Variants in SETD2 observed in about 807,000 individuals in gnomAD.
The protein encoded by SETD2 is histone-lysine N-methyltransferase SETD2.
In SETD2, 31 loss-of-function variants were observed where a neutral mutation model predicts 242.1. That is an observed-to-expected ratio of 0.13 (90% CI 0.10 to 0.17). The LOEUF (loss-of-function observed/expected upper bound fraction) is 0.17. Ranked by LOEUF, SETD2 falls within the 10% of genes least tolerant of loss-of-function variation. The pLI is 1.00. For synonymous variants in SETD2, 1,006 were observed against 1,066.5 expected, an observed-to-expected ratio of 0.94 and a Z score of 1.11; for missense variants, 2,481 against 3,046.3, an observed-to-expected ratio of 0.81 and a Z score of 4.37.
chr3:47,117,525 A>G (rs1003493503), intron 3 of SETD2, among the ~76,000 whole-genome samples: 1 of 152,218 alleles, frequency 6.6e-6, no homozygotes, highest in Non-Finnish European at 1.5e-5. Context: ...GACCTCATGG[A>G]TGAGCAAATA....
intron 8 of SETD2, among the ~76,000 whole-genome samples, chr3:47,100,577 A>G (rs1036925975): frequency 2.0e-5 from 3 of 152,114 alleles, no homozygotes; most frequent in Non-Finnish European, 4.4e-5. Context: ...TTAAGTAGTC[A>G]TTAGAACACA....
intron 4 of SETD2, among the ~76,000 whole-genome samples, chr3:47,115,371 G>T (rs1276862995): frequency 2.0e-5 from 3 of 152,056 alleles, no homozygotes; most frequent in African/African-American, 4.8e-5. Context: ...AAACCCAGAA[G>T]AATGACTAGG....
chr3:47,039,629 G>C (rs1019878854), intron 17 of SETD2, among the ~76,000 whole-genome samples: 8 of 150,378 alleles, frequency 5.3e-5, no homozygotes, highest in African/African-American at 2.0e-4. Flanking sequence ...ACTTTGGGAG[G>C]CCGAGGCAGG....
rs777373516 is a variant in SETD2, at chr3:47,101,478, G to A, written c.4995C>T (p.Asp1665=). ...LVPSGSELTF[D]YQFQRYGKEA... ...CTTACCCATATCTCTGGAACTGATA[G>A]TCAAACGTTAACTCTGAGCCTGAAG... is the stretch of plus-strand genomic sequence containing the variant. The change falls in exon 8 of 21, where the codon GAC becomes GAT. Residue 1665 remains aspartate, a synonymous_variant. Coordinates refer to ENST00000409792, the MANE Select transcript of SETD2 (RefSeq NM_014159.7). 9.9e-6 allele frequency: 16 copies of A among 1,612,550 alleles called. No individual in the cohort carries two copies. The highest frequency in any genetic ancestry group is 1.7e-5 in the Admixed American group (1 of 60,012).
At chr3:47,147,346 A>C (rs1167484189) in intron 1 of SETD2, among the ~76,000 whole-genome samples, 2 of 130,678 alleles carry the variant, frequency 1.5e-5, no homozygotes, top group Non-Finnish European at 1.6e-5. Context: ...TTTTTGAGAC[A>C]TAGTCTCACC....
intron 9 of SETD2, among the ~76,000 whole-genome samples, chr3:47,090,524 G>C (rs1188619305): frequency 6.6e-6 from 1 of 151,966 alleles, no homozygotes; most frequent in Non-Finnish European, 1.5e-5. Flanking sequence ...CTGACTAGCT[G>C]GGACTACAGG....
intron 1 of SETD2, among the ~76,000 whole-genome samples, chr3:47,128,653 T>C (rs1303261124): frequency 6.6e-6 from 1 of 152,122 alleles, no homozygotes; most frequent in Non-Finnish European, 1.5e-5. Context: ...AAATTAACCA[T>C]TTTTTTCTAC....
chr3:47,121,045 C>T lies in SETD2; in HGVS notation c.3591G>A (p.Arg1197=), dbSNP rs1295633514. Residue 1197 remains arginine, a synonymous_variant, in exon 3 of 21, where the codon AGG becomes AGA. Transcript: ENST00000409792. ...EETVKAKIPS[R]QQEELPIYSS... is the part of the protein sequence containing the mutation. ...AATAAATTGGCAGCTCTTCTTGCTG[C>T]CTAGAAGGTATTTTGGCTTTCACGG... 5 of 1,614,176 alleles carry T rather than the reference C, an allele frequency of 3.1e-6. No individual in the cohort carries two copies. The East Asian group carries it at 8.9e-5, about 29-fold the overall frequency.
chr3:47,081,868 C>T (rs897720050), intron 12 of SETD2, among the ~76,000 whole-genome samples: 12 of 152,160 alleles, frequency 7.9e-5, no homozygotes, highest in Non-Finnish European at 1.6e-4. Flanking sequence ...GAGAATTTTA[C>T]TTAACGGCTC....
Position 47,098,051 on chromosome 3 carries a change from T to C in SETD2, c.5046A>G (p.Ser1682=). 1.2e-6 allele frequency: 2 copies of C among 1,614,098 alleles called. No individual in the cohort carries two copies. The highest frequency in any genetic ancestry group is 1.1e-5 in the South Asian group (1 of 91,088). ...CTCCCAGGTAACCCCGGCAATTGGC[T>C]GATCCGCAGAAACATTTCTGGGCTT... ...GKEAQKCFCG[S]ANCRGYLGGE... is the part of the protein sequence containing the mutation. Residue 1682 remains serine, a synonymous_variant, in exon 9 of 21, where the codon TCA becomes TCG. Coordinates refer to ENST00000409792, the MANE Select transcript of SETD2 (RefSeq NM_014159.7).
chr3:47,096,003 G>A lies in SETD2; in HGVS notation c.5142+1952C>T, dbSNP rs140857246. ...ACTCCTGGGCTCAAGCTATCCTCCC[G>A]CCTTGGCCTCCCAAAGTGCTGGGAT... On this transcript the variant is annotated intron_variant, in intron 9 of 20. Transcript: ENST00000409792. Among the ~76,000 whole-genome samples the A allele has an allele frequency of 5.3e-3, 802 of 152,052 alleles. 7 individuals are homozygous for A. Among genetic ancestry groups the A allele is most frequent in the African/African-American group, 0.018 (758 of 41,494 alleles).
rs188621197 is a variant in SETD2 at position 47,016,613 on chromosome 3, C to T, written c.*480G>A. 3.1e-4 allele frequency: 73 copies of T among 234,384 alleles called. No homozygotes were observed. Among genetic ancestry groups the T allele is most frequent in the Admixed American group, 6.2e-4 (11 of 17,808 alleles). The allele number at this position is 234,384 out of a possible 1,614,324, so 14.5% of individuals were successfully genotyped here. A position where few individuals can be genotyped will look rare whatever the true frequency, so the allele number is the denominator to read the frequency against. ...ATTAAACCTTGCAGGAGAACTTAAA[C>T]TGTCCTTACAAAGTCTTCCTGTGAT... On this transcript the variant is annotated 3_prime_UTR_variant, in exon 21 of 21. Transcript: ENST00000409792.
chr3:47,143,216 C>T (rs2043773737), intron 1 of SETD2, among the ~76,000 whole-genome samples: 1 of 152,052 alleles, frequency 6.6e-6, no homozygotes, highest in Non-Finnish European at 1.5e-5. Context: ...ACTGCTTGAG[C>T]CCAGGACGTC....
chr3:47,161,168 T>A (rs1697479840), intron 1 of SETD2, among the ~76,000 whole-genome samples: 1 of 152,324 alleles, frequency 6.6e-6, no homozygotes, highest in Admixed American at 6.5e-5. Flanking sequence ...AAATCCTACC[T>A]TTTAACTTTT....
At chr3:47,126,749 A>T (rs1356590707) in intron 1 of SETD2, 86 bp from the exon 2 acceptor site, 18 of 817,382 alleles carry the variant, frequency 2.2e-5, no homozygotes, top group Non-Finnish European at 3.5e-5. Flanking sequence ...AGTTATTTGT[A>T]TTAAAACTTG....
intron 15 of SETD2, among the ~76,000 whole-genome samples, chr3:47,048,771 A>C (rs2039651855): frequency 6.6e-6 from 1 of 151,678 alleles, no homozygotes; most frequent in Non-Finnish European, 1.5e-5. Flanking sequence ...GGGTTCAAGC[A>C]ATTCTCCTGC....
Position 47,124,057 on chromosome 3 carries a change from C to T in SETD2, c.579G>A (p.Pro193=), listed in dbSNP as rs113644970. The T allele has an allele frequency of 1.3e-5, 20 of 1,551,668 alleles. No individual in the cohort carries two copies. Among genetic ancestry groups the T allele is most frequent in the South Asian group, 7.1e-5 (6 of 84,046 alleles). Reference sequence around the variant, plus strand: ...GTGTTGTGGCTTGGGCAGGTGGAGGCGGTGGAGGCGGAGATGAGGGCGGTG... The same window carrying T: ...GTGTTGTGGCTTGGGCAGGTGGAGGTGGTGGAGGCGGAGATGAGGGCGGTG... The part of the protein sequence containing the change: ...VDSPPSSPPP[P]PPPAQATTLS... The change falls in exon 3 of 21, where the codon CCG becomes CCA. Residue 193 remains proline, a synonymous_variant. Transcript: ENST00000409792.
chr3:47,136,902 C>T (rs761295893), intron 1 of SETD2, among the ~76,000 whole-genome samples: 39 of 152,088 alleles, frequency 2.6e-4, no homozygotes, highest in Admixed American at 1.7e-3. Context: ...TGCAGTGTGC[C>T]GAGATGACGC....
intron 1 of SETD2, among the ~76,000 whole-genome samples, chr3:47,129,157 A>G (rs1485638577): frequency 6.6e-6 from 1 of 152,236 alleles, no homozygotes; most frequent in African/African-American, 2.4e-5. Context: ...GACAGAAATG[A>G]CAAGACAGGA....
Sources: allele counts gnomAD v4.1 joint callset (sites outside exome capture counted in the v4.1 genomes callset), GRCh38; gene constraint gnomAD v4.1.1; transcripts MANE v1.5; gene names NCBI Gene and HGNC (gene_info 2026-07-23, HGNC 2026-07-21).